The following MAPKAP1 variants were observed in gnomAD, a reference collection of about 807,000 sequenced individuals.
The protein encoded by MAPKAP1 is target of rapamycin complex 2 subunit MAPKAP1.
Under a neutral mutation model 65.7 loss-of-function variants are expected in MAPKAP1, and 20 were observed. That is an observed-to-expected ratio of 0.30 (90% CI 0.21 to 0.44). MAPKAP1 has a LOEUF of 0.44. Ranked by LOEUF, MAPKAP1 falls within the 20% of genes least tolerant of loss-of-function variation. The pLI is 1.00. For missense variants in MAPKAP1, 423 were observed against 648.0 expected, an observed-to-expected ratio of 0.65 and a Z score of 3.77; for synonymous variants, 222 against 244.3, an observed-to-expected ratio of 0.91 and a Z score of 0.85.
intron 8 of MAPKAP1, among the ~76,000 whole-genome samples, chr9:125,487,542 T>C (rs1424071050): frequency 6.6e-6 from 1 of 151,408 alleles, no homozygotes; most frequent in Non-Finnish European, 1.5e-5. Flanking sequence ...CTTTACTAAT[T>C]AGTGTTTTCT....
At chr9:125,646,733 C>G (rs909226716) in intron 4 of MAPKAP1, among the ~76,000 whole-genome samples, 1 of 152,052 alleles carries the variant, frequency 6.6e-6, no homozygotes, top group Non-Finnish European at 1.5e-5. Context: ...TGTTTTGATA[C>G]CATAATTAGG....
At chr9:125,590,678 G>C (rs145165397) in intron 4 of MAPKAP1, among the ~76,000 whole-genome samples, 158 of 152,152 alleles carry the variant, frequency 1.0e-3, no homozygotes, top group African/African-American at 3.7e-3. Flanking sequence ...GCGGGGCATA[G>C]GGCTAGCACT....
chr9:125,640,439 G>C (rs1243169273), intron 4 of MAPKAP1, among the ~76,000 whole-genome samples: 3 of 151,848 alleles, frequency 2.0e-5, no homozygotes, highest in Non-Finnish European at 1.5e-5. Flanking sequence ...CTGGCTCCTT[G>C]AGGGACAGGG....
At chr9:125,580,109 A>C (rs1478556257) in intron 5 of MAPKAP1, among the ~76,000 whole-genome samples, 1 of 152,212 alleles carries the variant, frequency 6.6e-6, no homozygotes, top group Non-Finnish European at 1.5e-5. Flanking sequence ...TAGTTCAACC[A>C]TTGTGGAAGA....
At chr9:125,615,562 A>G (rs914711383) in intron 4 of MAPKAP1, among the ~76,000 whole-genome samples, 17 of 140,946 alleles carry the variant, frequency 1.2e-4, no homozygotes, top group South Asian at 6.8e-4. Flanking sequence ...AAAAAAAATC[A>G]GCCATTGTGT....
intron 1 of MAPKAP1, among the ~76,000 whole-genome samples, chr9:125,704,024 T>C (rs1835685641): frequency 6.6e-6 from 1 of 152,160 alleles, no homozygotes; most frequent in African/African-American, 2.4e-5. Context: ...TATGAGCTCC[T>C]TTAGTGCAAA....
At chr9:125,515,770 C>A (rs528547881) in intron 7 of MAPKAP1, among the ~76,000 whole-genome samples, 2 of 152,178 alleles carry the variant, frequency 1.3e-5, no homozygotes, top group Non-Finnish European at 2.9e-5. Context: ...AGGGGCCAGT[C>A]GGTGCAATAA....
chr9:125,486,286 T>TGAAATGTGGACTTC (rs1487877850), intron 8 of MAPKAP1, among the ~76,000 whole-genome samples: 1 of 152,204 alleles, frequency 6.6e-6, no homozygotes, highest in African/African-American at 2.4e-5. Context: ...CCCTGGACTT[T>TGAAATGTGGACTTC]GAAATGTGGA....
intron 3 of MAPKAP1, among the ~76,000 whole-genome samples, chr9:125,662,939 G>C (rs1834230761): frequency 6.6e-6 from 1 of 152,160 alleles, no homozygotes; most frequent in Non-Finnish European, 1.5e-5. Context: ...AGGGCTGGTA[G>C]TAAAATGTAT....
intron 7 of MAPKAP1, chr9:125,513,226 T>G (rs1012548757): frequency 1.3e-5 from 2 of 152,208 alleles, no homozygotes; most frequent in Non-Finnish European, 2.9e-5. Context: ...TATTTTAAAA[T>G]CTATTATAAT....
At chr9:125,591,475 T>A (rs1207914073) in intron 4 of MAPKAP1, among the ~76,000 whole-genome samples, 1 of 151,178 alleles carries the variant, frequency 6.6e-6, no homozygotes, top group Non-Finnish European at 1.5e-5. Flanking sequence ...CTCTATTTAC[T>A]CTAAAGAGTA....
intron 4 of MAPKAP1, among the ~76,000 whole-genome samples, chr9:125,589,637 A>C (rs1263628749): frequency 6.6e-6 from 1 of 152,166 alleles, no homozygotes; most frequent in Non-Finnish European, 1.5e-5. Flanking sequence ...TGAGGTGAAA[A>C]AGGTCAGTAC....
chr9:125,547,005 T>C (rs985366678), intron 6 of MAPKAP1, among the ~76,000 whole-genome samples: 2 of 152,136 alleles, frequency 1.3e-5, no homozygotes, highest in East Asian at 1.9e-4. Flanking sequence ...TGAAACTCCA[T>C]GTCAGGGAGC....
chr9:125,484,654 T>G, intron 8 of MAPKAP1, 71 bp from the exon 9 acceptor site: 1 of 1,470,848 alleles, frequency 6.8e-7, no homozygotes, highest in Non-Finnish European at 9.2e-7. Flanking sequence ...CTTAAAATGC[T>G]TTGGGATAAA....
intron 6 of MAPKAP1, among the ~76,000 whole-genome samples, chr9:125,549,155 T>TA (rs1830512737): frequency 6.6e-6 from 1 of 152,222 alleles, no homozygotes; most frequent in Non-Finnish European, 1.5e-5. Flanking sequence ...TCCAGACTCT[T>TA]AGACTAACCA....
chr9:125,608,024 C>T (rs1832489837), intron 4 of MAPKAP1, among the ~76,000 whole-genome samples: 1 of 152,180 alleles, frequency 6.6e-6, no homozygotes, highest in South Asian at 2.1e-4. Flanking sequence ...CAGGCACCAG[C>T]AGGGAGGGTA....
chr9:125,562,896 T>C (rs924602230), intron 5 of MAPKAP1, among the ~76,000 whole-genome samples: 3 of 152,234 alleles, frequency 2.0e-5, no homozygotes, highest in Non-Finnish European at 4.4e-5. Flanking sequence ...CTGTCCCTCT[T>C]GACCCCCACC....
chr9:125,663,966 T>C (rs1253596550), intron 3 of MAPKAP1, among the ~76,000 whole-genome samples: 2 of 152,188 alleles, frequency 1.3e-5, no homozygotes, highest in Non-Finnish European at 2.9e-5. Flanking sequence ...ATTCAGAAGA[T>C]GAGAATGTGT....
At chr9:125,551,757 T>C (rs928077093) in intron 6 of MAPKAP1, among the ~76,000 whole-genome samples, 2 of 152,170 alleles carry the variant, frequency 1.3e-5, no homozygotes, top group Non-Finnish European at 2.9e-5. Context: ...ACAGTTGTTT[T>C]TGTCATTGCC....
Sources: allele counts gnomAD v4.1 joint callset (sites outside exome capture counted in the v4.1 genomes callset), GRCh38; gene constraint gnomAD v4.1.1; transcripts MANE v1.5; gene names NCBI Gene and HGNC (gene_info 2026-07-23, HGNC 2026-07-21).